The following INPP4B variants were observed in gnomAD, a reference collection of about 807,000 sequenced individuals.
The protein encoded by INPP4B is inositol polyphosphate-4-phosphatase type II B.
INPP4B carries 55 observed loss-of-function variants against 122.5 expected under a neutral mutation model. The observed-to-expected ratio is 0.45, with a 90% CI of 0.36 to 0.56. The LOEUF (loss-of-function observed/expected upper bound fraction) is 0.56. INPP4B is among the 20% of genes least tolerant of loss of function. The pLI, the probability that INPP4B is intolerant of heterozygous loss-of-function variation, is 0.00. For synonymous variants in INPP4B, 403 were observed against 388.7 expected (o/e 1.04, Z -0.43); for missense variants, 1,000 against 1,097.7 (o/e 0.91, Z 1.26).
At chr4:142,834,742 T>C (rs1466797437) in intron 1 of INPP4B, among the ~76,000 whole-genome samples, 1 of 152,172 alleles carries the variant, frequency 6.6e-6, no homozygotes, top group Non-Finnish European at 1.5e-5. Context: ...CATTGATCTC[T>C]TTTTCTCTCA....
At chr4:142,032,463 G>T (rs1159774061) in intron 25 of INPP4B, among the ~76,000 whole-genome samples, 2 of 152,156 alleles carry the variant, frequency 1.3e-5, no homozygotes, top group Non-Finnish European at 2.9e-5. Flanking sequence ...CTTGGAAGGA[G>T]GGCACATAGA....
At chr4:142,536,127 A>G (rs1245903105) in intron 2 of INPP4B, among the ~76,000 whole-genome samples, 2 of 152,324 alleles carry the variant, frequency 1.3e-5, no homozygotes, top group South Asian at 4.1e-4. Flanking sequence ...CAATTGCCCA[A>G]TTTTTAGGGG....
At chr4:142,251,910 G>T (rs1203002023) in intron 11 of INPP4B, among the ~76,000 whole-genome samples, 1 of 152,144 alleles carries the variant, frequency 6.6e-6, no homozygotes, top group Non-Finnish European at 1.5e-5. Flanking sequence ...GTACAACATG[G>T]CAGGGCTAGA....
chr4:142,511,539 T>C (rs996560354), intron 2 of INPP4B, among the ~76,000 whole-genome samples: 2 of 152,114 alleles, frequency 1.3e-5, no homozygotes, highest in African/African-American at 4.8e-5. Flanking sequence ...AACAATACTA[T>C]AGTATAAGTA....
intron 2 of INPP4B, among the ~76,000 whole-genome samples, chr4:142,606,495 T>C (rs1296595904): frequency 6.6e-6 from 1 of 151,966 alleles, no homozygotes; most frequent in Non-Finnish European, 1.5e-5. Flanking sequence ...ATTCTTTGCA[T>C]ATAAAAACAC....
intron 1 of INPP4B, among the ~76,000 whole-genome samples, chr4:142,832,988 G>A (rs550725809): frequency 2.6e-5 from 4 of 152,042 alleles, no homozygotes; most frequent in South Asian, 2.1e-4. Flanking sequence ...ATGATAATAC[G>A]CACAAAGGAT....
chr4:142,503,694 C>T (rs1823665862), intron 2 of INPP4B, among the ~76,000 whole-genome samples: 1 of 151,790 alleles, frequency 6.6e-6, no homozygotes. Context: ...CTAATCATAG[C>T]CAATAAAATC....
chr4:142,659,078 T>C (rs937163819), intron 2 of INPP4B, among the ~76,000 whole-genome samples: 3 of 152,114 alleles, frequency 2.0e-5, no homozygotes, highest in African/African-American at 4.8e-5. Flanking sequence ...TTGCAAACCA[T>C]TCAGTCCTAT....
chr4:142,603,853 C>T (rs544253674), intron 2 of INPP4B, among the ~76,000 whole-genome samples: 34 of 151,832 alleles, frequency 2.2e-4, no homozygotes, highest in Non-Finnish European at 4.0e-4. Context: ...GGAATTCTCC[C>T]TAGCTCATTT....
chr4:142,241,756 G>A (rs377066724), intron 11 of INPP4B, among the ~76,000 whole-genome samples: 1 of 152,170 alleles, frequency 6.6e-6, no homozygotes, highest in East Asian at 1.9e-4. Context: ...GGTATGCTAG[G>A]AATATCAGTG....
At chr4:142,189,637 C>T in intron 15 of INPP4B, among the ~76,000 whole-genome samples, 1 of 151,436 alleles carries the variant, frequency 6.6e-6, no homozygotes, top group East Asian at 1.9e-4. Flanking sequence ...ATGGCTTTCA[C>T]AGAAAGAAAT....
At chr4:142,223,534 T>G (rs1850270569) in intron 12 of INPP4B, among the ~76,000 whole-genome samples, 1 of 152,164 alleles carries the variant, frequency 6.6e-6, no homozygotes, top group Admixed American at 6.6e-5. Context: ...TTCTTTCCTG[T>G]GGGGATATTT....
intron 1 of INPP4B, among the ~76,000 whole-genome samples, chr4:142,821,531 G>A (rs573907411): frequency 6.6e-6 from 1 of 151,730 alleles, no homozygotes; most frequent in Non-Finnish European, 1.5e-5. Context: ...GATATTAGTA[G>A]GTATAGTTTA....
chr4:142,448,770 A>T (rs1813496425), intron 3 of INPP4B, among the ~76,000 whole-genome samples: 1 of 152,182 alleles, frequency 6.6e-6, no homozygotes, highest in African/African-American at 2.4e-5. Context: ...CAATAACAGG[A>T]ATGTATCCTA....
intron 2 of INPP4B, among the ~76,000 whole-genome samples, chr4:142,704,012 A>G (rs1762149437): frequency 6.6e-6 from 1 of 152,170 alleles, no homozygotes; most frequent in Non-Finnish European, 1.5e-5. Context: ...TACCTCCCCA[A>G]AACCAATGAG....
At chr4:142,834,656 T>G (rs1295598129) in intron 1 of INPP4B, among the ~76,000 whole-genome samples, 1 of 152,226 alleles carries the variant, frequency 6.6e-6, no homozygotes, top group African/African-American at 2.4e-5. Context: ...AATACATGTC[T>G]GTGTAAGTTA....
At chr4:142,737,807 C>T (rs1488359419) in intron 1 of INPP4B, among the ~76,000 whole-genome samples, 1 of 152,176 alleles carries the variant, frequency 6.6e-6, no homozygotes, top group Non-Finnish European at 1.5e-5. Context: ...AGGATATGAA[C>T]AGACACTTCT....
At chr4:142,206,041 C>T (rs1842458064) in intron 14 of INPP4B, among the ~76,000 whole-genome samples, 1 of 152,070 alleles carries the variant, frequency 6.6e-6, no homozygotes, top group African/African-American at 2.4e-5. Flanking sequence ...AGTCTAAGAT[C>T]AAGGCGCTGG....
intron 9 of INPP4B, among the ~76,000 whole-genome samples, chr4:142,276,393 T>C (rs1261667240): frequency 1.3e-5 from 2 of 151,908 alleles, no homozygotes; most frequent in East Asian, 3.9e-4. Flanking sequence ...CTCAGTATTT[T>C]TGGCTCACAC....
Sources: allele counts gnomAD v4.1 joint callset (sites outside exome capture counted in the v4.1 genomes callset), GRCh38; gene constraint gnomAD v4.1.1; transcripts MANE v1.5; gene names NCBI Gene and HGNC (gene_info 2026-07-23, HGNC 2026-07-21).